ACSL3: variants seen among roughly 807,000 people sequenced by gnomAD.
ACSL3 encodes the protein acyl-CoA synthetase long chain family member 3.
A neutral mutation model predicts 84.7 loss-of-function variants in ACSL3; 34 were observed. The ratio of observed to expected loss-of-function variants is 0.40; its 90% CI spans 0.31 to 0.53. The LOEUF (loss-of-function observed/expected upper bound fraction) is 0.53, where lower values mean the gene tolerates loss of function less well. Among genes scored for constraint, ACSL3 ranks in the 20% least tolerant of loss-of-function variants. The pLI is 0.48. For missense variants in ACSL3, 680 were observed against 873.1 expected (o/e 0.78, Z 2.79); for synonymous variants, 315 against 299.4 (o/e 1.05, Z -0.54).
intron 4 of ACSL3, among the ~76,000 whole-genome samples, chr2:222,913,951 C>G (rs973230799): frequency 4.6e-5 from 7 of 151,824 alleles, no homozygotes; most frequent in African/African-American, 1.7e-4. Flanking sequence ...GGTTAGTTAC[C>G]CTCATTATCA....
chr2:222,944,551 A>C lies in ACSL3; in HGVS notation c.*2897A>C, dbSNP rs1697412263. The C allele has an allele frequency of 6.6e-6, 1 of 152,020 alleles. No individual in the cohort carries two copies. The highest frequency in any genetic ancestry group is 2.4e-5 in the African/African-American group (1 of 41,412). 9.4% of individuals were successfully genotyped at this position (152,020 alleles called of 1,614,324 possible). A position where few individuals can be genotyped will look rare whatever the true frequency, so the allele number is the denominator to read the frequency against. On this transcript the variant is annotated 3_prime_UTR_variant, in exon 17 of 17. Coordinates refer to ENST00000357430, the MANE Select transcript of ACSL3 (RefSeq NM_004457.5). ...TTCTGCCTGAAGACGTGTATCATAA[A>C]GAGCTACATGGTATGGACTATTTAT... is the stretch of plus-strand genomic sequence containing the variant.
chr2:222,939,757 G>A (rs1013936148), intron 16 of ACSL3, among the ~76,000 whole-genome samples: 1 of 152,050 alleles, frequency 6.6e-6, no homozygotes, highest in South Asian at 2.1e-4. Flanking sequence ...AGTGGTTTCT[G>A]GGTTTCTTAC....
At chr2:222,862,155 T>C (rs1009471060) in intron 1 of ACSL3, among the ~76,000 whole-genome samples, 7 of 152,236 alleles carry the variant, frequency 4.6e-5, no homozygotes, top group African/African-American at 1.7e-4. Flanking sequence ...CTGACATTTA[T>C]TGAGCTTTTA....
intron 1 of ACSL3, among the ~76,000 whole-genome samples, chr2:222,883,294 TGTCA>T (rs1695637637): frequency 6.6e-6 from 1 of 151,182 alleles, no homozygotes; most frequent in African/African-American, 2.4e-5. Flanking sequence ...GATTCTACTG[TGTCA>T]GTCAGCCTCT....
At chr2:222,936,888 AG>A (rs1445660983) in intron 16 of ACSL3, among the ~76,000 whole-genome samples, 4 of 152,128 alleles carry the variant, frequency 2.6e-5, no homozygotes, top group Non-Finnish European at 5.9e-5. Context: ...CGAAGGGGGA[AG>A]AGCCCCTAAA....
At chr2:222,866,649 A>G (rs1209534055) in intron 1 of ACSL3, among the ~76,000 whole-genome samples, 1 of 137,782 alleles carries the variant, frequency 7.3e-6, no homozygotes, top group Non-Finnish European at 1.5e-5. Flanking sequence ...CTTTGAAGGC[A>G]TGATTGTGTA....
chr2:222,931,805 C>G (rs76511527), intron 14 of ACSL3, among the ~76,000 whole-genome samples: 3 of 152,190 alleles, frequency 2.0e-5, no homozygotes, highest in African/African-American at 7.2e-5. Context: ...TTTTCCTCCT[C>G]CTCCTTGATG....
intron 1 of ACSL3, among the ~76,000 whole-genome samples, chr2:222,881,416 A>G (rs1415726554): frequency 6.6e-6 from 1 of 152,240 alleles, no homozygotes; most frequent in Non-Finnish European, 1.5e-5. Context: ...GCTTTTCAGT[A>G]TGATGTTTAA....
chr2:222,941,813 T>C lies in ACSL3; in HGVS notation c.*159T>C, dbSNP rs1697319774. ...TTAACTGACAGGATTAGTAAAACAT[T>C]AAGACAGCAAACTTGTGTCTGTCTC... On this transcript the variant is annotated 3_prime_UTR_variant, in exon 17 of 17. Coordinates refer to ENST00000357430, the MANE Select transcript of ACSL3 (RefSeq NM_004457.5). 1 of 729,072 alleles carries C rather than the reference T, an allele frequency of 1.4e-6. No homozygotes were observed. The highest frequency in any genetic ancestry group is 2.0e-6 in the Non-Finnish European group (1 of 496,272). The allele number at this position is 729,072 out of a possible 1,614,324, so 45.2% of individuals were successfully genotyped here. A position where few individuals can be genotyped will look rare whatever the true frequency, so the allele number is the denominator to read the frequency against.
chr2:222,894,527 C>T (rs1695922469), intron 2 of ACSL3, among the ~76,000 whole-genome samples: 1 of 152,292 alleles, frequency 6.6e-6, no homozygotes, highest in African/African-American at 2.4e-5. Context: ...AGTAATAGGT[C>T]ATTTTCTTTT....
At chr2:222,909,523 A>C (rs530514598) in intron 4 of ACSL3, 163 of 187,592 alleles carry the variant, frequency 8.7e-4, no homozygotes, top group Non-Finnish European at 1.2e-3. Context: ...GGTTGCAGTG[A>C]GTGCTTCATG....
chr2:222,921,072 A>G (rs1256454256), intron 7 of ACSL3: 1 of 667,946 alleles, frequency 1.5e-6, no homozygotes, highest in East Asian at 3.1e-5. Flanking sequence ...TTCATAGGTT[A>G]ATCTGTTTGT....
At chr2:222,908,664 C>A in intron 3 of ACSL3, 69 bp from the exon 4 acceptor site, 1 of 1,103,034 alleles carries the variant, frequency 9.1e-7, no homozygotes, top group Non-Finnish European at 1.3e-6. Context: ...CTTCATTTGC[C>A]GATGTAACTT....
chr2:222,908,323 G>A (rs1696350958), intron 3 of ACSL3, among the ~76,000 whole-genome samples: 1 of 152,182 alleles, frequency 6.6e-6, no homozygotes, highest in Non-Finnish European at 1.5e-5. Flanking sequence ...TGATTATTTG[G>A]CAGTGGCTGC....
intron 2 of ACSL3, among the ~76,000 whole-genome samples, chr2:222,894,892 A>G (rs116028584): frequency 0.013 from 1,921 of 152,034 alleles, 43 homozygotes; most frequent in African/African-American, 0.043. Flanking sequence ...ATCATTTTCT[A>G]TTTTTGGTTT....
intron 7 of ACSL3, chr2:222,921,022 A>G (rs6756323): frequency 0.44 from 255,345 of 576,648 alleles, 60,097 homozygotes; most frequent in East Asian, 0.79. Context: ...TCCAAATAGC[A>G]TCTATTGTCA....
chr2:222,933,444 CTT>C, intron 15 of ACSL3, 164 bp downstream of exon 15: 1 of 526,018 alleles, frequency 1.9e-6, no homozygotes, highest in Non-Finnish European at 3.3e-6. Context: ...GACTCTTTTC[CTT>C]GTAAGGCTTC....
intron 16 of ACSL3, among the ~76,000 whole-genome samples, chr2:222,938,611 T>C (rs1697231158): frequency 2.0e-5 from 3 of 152,160 alleles, no homozygotes; most frequent in Admixed American, 6.5e-5. Context: ...CGAGTGTGTT[T>C]TGGTGTAGTT....
intron 1 of ACSL3, among the ~76,000 whole-genome samples, chr2:222,867,757 GTA>G: frequency 6.6e-6 from 1 of 152,174 alleles, no homozygotes; most frequent in South Asian, 2.1e-4. Context: ...TTACCGTTAA[GTA>G]TTATTGAACA....
Sources: allele counts gnomAD v4.1 joint callset (sites outside exome capture counted in the v4.1 genomes callset), GRCh38; gene constraint gnomAD v4.1.1; transcripts MANE v1.5; gene names NCBI Gene and HGNC (gene_info 2026-07-23, HGNC 2026-07-21).